SEMA6D: variants seen among roughly 807,000 people sequenced by gnomAD.
SEMA6D encodes the protein semaphorin 6D.
A neutral mutation model predicts 106.6 loss-of-function variants in SEMA6D; 35 were observed. That is an observed-to-expected ratio of 0.33 (90% CI 0.25 to 0.44). The LOEUF is 0.44. SEMA6D is among the 20% of genes least tolerant of loss of function. The pLI is 1.00. For missense variants in SEMA6D, 1,185 were observed against 1,345.9 expected, an observed-to-expected ratio of 0.88 and a Z score of 1.87; for synonymous variants, 499 against 487.7, an observed-to-expected ratio of 1.02 and a Z score of -0.31.
At chr15:47,212,657 G>T (rs34480933) in intron 1 of SEMA6D, among the ~76,000 whole-genome samples, 1 of 151,920 alleles carries the variant, frequency 6.6e-6, no homozygotes, top group African/African-American at 2.4e-5. Context: ...CACATTTTCT[G>T]TTTGCTGTCC....
rs77487800 is a variant in SEMA6D at position 47,399,815 on chromosome 15, G to A, written c.-238-12578G>A. On this transcript the variant is annotated intron_variant, in intron 1 of 19. Transcript: ENST00000558014. Reference sequence around the variant, plus strand: ...ACATCAAACAAAAGGACAGAATGTCGGAAGAAAAGACATGTGAAAGAACAT... The same window carrying A: ...ACATCAAACAAAAGGACAGAATGTCAGAAGAAAAGACATGTGAAAGAACAT... Among the ~76,000 whole-genome samples the A allele has an allele frequency of 1.1e-3, 168 of 152,278 alleles. 3 individuals carry two copies. The East Asian group carries it at 0.028, about 26-fold the overall frequency.
intron 2 of SEMA6D, among the ~76,000 whole-genome samples, chr15:47,429,109 G>C (rs371672353): frequency 1.1e-4 from 16 of 151,986 alleles, no homozygotes; most frequent in African/African-American, 3.4e-4. Context: ...TGAGTGTAAG[G>C]CTTCCTGAGA....
chr15:47,544,877 A>G (rs1204830542), intron 3 of SEMA6D, among the ~76,000 whole-genome samples: 2 of 152,098 alleles, frequency 1.3e-5, no homozygotes, highest in Non-Finnish European at 2.9e-5. Flanking sequence ...GAGAGCTTAG[A>G]TCAGCAATCT....
intron 3 of SEMA6D, among the ~76,000 whole-genome samples, chr15:47,517,759 C>G: frequency 6.6e-6 from 1 of 152,080 alleles, no homozygotes; most frequent in South Asian, 2.1e-4. Flanking sequence ...TTTCTGGGTC[C>G]TCACTCTGAA....
At chr15:47,231,897 T>C (rs80085470) in intron 1 of SEMA6D, among the ~76,000 whole-genome samples, 3,271 of 152,134 alleles carry the variant, frequency 0.022, 52 homozygotes, top group Middle Eastern at 0.051. Context: ...GTATGAATAA[T>C]TCAGTGGCTT....
chr15:47,521,425 A>G (rs1309348600), intron 3 of SEMA6D, among the ~76,000 whole-genome samples: 1 of 152,172 alleles, frequency 6.6e-6, no homozygotes, highest in African/African-American at 2.4e-5. Context: ...ACTAAAATGT[A>G]AACTCCTCTC....
intron 3 of SEMA6D, among the ~76,000 whole-genome samples, chr15:47,538,052 GC>G (rs1242973960): frequency 6.6e-6 from 1 of 152,162 alleles, no homozygotes; most frequent in African/African-American, 2.4e-5. Context: ...AAGAAGCAAG[GC>G]AGAAGATCAA....
At chr15:47,709,507 C>T (rs1216143308) in intron 4 of SEMA6D, among the ~76,000 whole-genome samples, 1 of 152,202 alleles carries the variant, frequency 6.6e-6, no homozygotes, top group Non-Finnish European at 1.5e-5. Flanking sequence ...TAGCACTTTA[C>T]ACAAAGCAGA....
chr15:47,350,694 G>A (rs2038288781), intron 1 of SEMA6D, among the ~76,000 whole-genome samples: 1 of 152,154 alleles, frequency 6.6e-6, no homozygotes, highest in Non-Finnish European at 1.5e-5. Flanking sequence ...AAAATGATTG[G>A]ATAACTAGTA....
chr15:47,580,408 G>T (rs991410772), intron 3 of SEMA6D, among the ~76,000 whole-genome samples: 1 of 152,154 alleles, frequency 6.6e-6, no homozygotes, highest in Non-Finnish European at 1.5e-5. Context: ...CCCATGACTA[G>T]CAAGGTGCAA....
chr15:47,449,676 T>G (rs1942578078), intron 2 of SEMA6D, among the ~76,000 whole-genome samples: 1 of 152,106 alleles, frequency 6.6e-6, no homozygotes, highest in South Asian at 2.1e-4. Context: ...TACATGGAAT[T>G]TGAGATTCTC....
intron 6 of SEMA6D, 112 bp from the exon 7 acceptor site, chr15:47,761,549 A>G: frequency 3.2e-6 from 4 of 1,249,404 alleles, no homozygotes; most frequent in Non-Finnish European, 3.4e-6. Flanking sequence ...AGTGCAATGA[A>G]AGAATAAAGA....
chr15:47,755,914 T>C (rs2081699776), intron 1 of SEMA6D, among the ~76,000 whole-genome samples: 3 of 151,312 alleles, frequency 2.0e-5, no homozygotes, highest in Admixed American at 2.0e-4. Context: ...CAAGTCTCCA[T>C]AAGGTAAAAT....
At chr15:47,569,771 G>C (rs1471331370) in intron 3 of SEMA6D, among the ~76,000 whole-genome samples, 1 of 152,100 alleles carries the variant, frequency 6.6e-6, no homozygotes, top group Non-Finnish European at 1.5e-5. Flanking sequence ...CATTTTATAA[G>C]GATTTGAGGC....
intron 3 of SEMA6D, among the ~76,000 whole-genome samples, chr15:47,599,604 C>A (rs1247497198): frequency 6.6e-6 from 1 of 152,092 alleles, no homozygotes; most frequent in African/African-American, 2.4e-5. Context: ...CTCAATACAA[C>A]TGAAAACACA....
chr15:47,672,962 C>T (rs1038397636), intron 4 of SEMA6D, among the ~76,000 whole-genome samples: 48 of 152,038 alleles, frequency 3.2e-4, no homozygotes, highest in Admixed American at 1.7e-3. Flanking sequence ...ATTTTTATTG[C>T]GAGCCAACCC....
At chr15:47,672,095 A>G (rs901973366) in intron 4 of SEMA6D, among the ~76,000 whole-genome samples, 1 of 152,158 alleles carries the variant, frequency 6.6e-6, no homozygotes, top group Non-Finnish European at 1.5e-5. Flanking sequence ...AATTCTTATA[A>G]TATCCCTTTG....
intron 4 of SEMA6D, among the ~76,000 whole-genome samples, chr15:47,626,294 G>A (rs1326699896): frequency 6.6e-6 from 1 of 152,198 alleles, no homozygotes; most frequent in African/African-American, 2.4e-5. Flanking sequence ...TTCCCTGGAT[G>A]TGCTTACTAA....
intron 11 of SEMA6D, 57 bp downstream of exon 11, chr15:47,764,362 A>G: frequency 6.4e-7 from 1 of 1,573,360 alleles, no homozygotes. Context: ...GGTCATTGGA[A>G]GCATCCCTCC....
Sources: allele counts gnomAD v4.1 joint callset (sites outside exome capture counted in the v4.1 genomes callset), GRCh38; gene constraint gnomAD v4.1.1; transcripts MANE v1.5; gene names NCBI Gene and HGNC (gene_info 2026-07-23, HGNC 2026-07-21).